Variants in CHRM3 observed in about 807,000 individuals in gnomAD.
CHRM3 encodes the protein muscarinic acetylcholine receptor M3.
CHRM3 carries 11 observed loss-of-function variants against 41.8 expected under a neutral mutation model. That is an observed-to-expected ratio of 0.26 (90% confidence interval 0.17 to 0.44). CHRM3 has a LOEUF of 0.44. Ranked by LOEUF, CHRM3 falls within the 20% of genes least tolerant of loss-of-function variation. The probability of loss-of-function intolerance (pLI) is 1.00; values close to 1 mark genes in which losing one functional copy is unlikely to be tolerated. For missense variants in CHRM3, 571 were observed against 745.4 expected, an observed-to-expected ratio of 0.77 and a Z score of 2.72; for synonymous variants, 297 against 301.4, an observed-to-expected ratio of 0.99 and a Z score of 0.15.
chr1:239,686,612 C>G (rs1659174346), intron 5 of CHRM3, among the ~76,000 whole-genome samples: 1 of 152,192 alleles, frequency 6.6e-6, no homozygotes, highest in African/African-American at 2.4e-5. Flanking sequence ...TATTGCTACT[C>G]CTCAGACTGT....
At chr1:239,600,490 G>A in intron 3 of CHRM3, among the ~76,000 whole-genome samples, 1 of 152,010 alleles carries the variant, frequency 6.6e-6, no homozygotes, top group South Asian at 2.1e-4. Flanking sequence ...GACATCTTTT[G>A]TTCCCAATGA....
At chr1:239,668,740 A>T (rs543627451) in intron 4 of CHRM3, among the ~76,000 whole-genome samples, 2 of 152,252 alleles carry the variant, frequency 1.3e-5, no homozygotes, top group Admixed American at 1.3e-4. Context: ...TGTAGAGCAG[A>T]ATTCTAATTT....
At chr1:239,850,757 C>T (rs1207766822) in intron 6 of CHRM3, among the ~76,000 whole-genome samples, 1 of 152,114 alleles carries the variant, frequency 6.6e-6, no homozygotes, top group Admixed American at 6.6e-5. Flanking sequence ...GATCATCCCC[C>T]TTTTGCTTGG....
intron 3 of CHRM3, among the ~76,000 whole-genome samples, chr1:239,614,211 C>T (rs980529049): frequency 4.6e-5 from 7 of 151,962 alleles, no homozygotes; most frequent in Non-Finnish European, 8.8e-5. Context: ...GATACAAGCT[C>T]GCATTTAAGA....
At chr1:239,675,294 CT>C (rs1386835256) in intron 4 of CHRM3, among the ~76,000 whole-genome samples, 4 of 152,300 alleles carry the variant, frequency 2.6e-5, no homozygotes, top group Admixed American at 2.0e-4. Flanking sequence ...CTTATCCAAG[CT>C]TGTGCCCATT....
At chr1:239,615,446 G>C (rs1667528817) in intron 3 of CHRM3, among the ~76,000 whole-genome samples, 1 of 152,104 alleles carries the variant, frequency 6.6e-6, no homozygotes, top group South Asian at 2.1e-4. Flanking sequence ...TCTGGCATGG[G>C]GACTGGGGGA....
At chr1:239,404,712 A>G (rs1660430409) in intron 1 of CHRM3, among the ~76,000 whole-genome samples, 1 of 86,452 alleles carries the variant, frequency 1.2e-5, no homozygotes, top group Non-Finnish European at 2.1e-5. Flanking sequence ...GTATCATGCT[A>G]TATCTAAATA....
At chr1:239,839,804 G>GC (rs900969719) in intron 6 of CHRM3, among the ~76,000 whole-genome samples, 1 of 151,300 alleles carries the variant, frequency 6.6e-6, no homozygotes, top group African/African-American at 2.4e-5. Flanking sequence ...GCGGGGCGGG[G>GC]GGGGAGCGGG....
intron 6 of CHRM3, among the ~76,000 whole-genome samples, chr1:239,899,041 A>C (rs1679253955): frequency 6.6e-6 from 1 of 152,114 alleles, no homozygotes; most frequent in South Asian, 2.1e-4. Context: ...AAAAGATGTC[A>C]AAATATCCAC....
intron 6 of CHRM3, among the ~76,000 whole-genome samples, chr1:239,842,328 C>T (rs941909216): frequency 1.3e-5 from 2 of 151,906 alleles, no homozygotes; most frequent in African/African-American, 2.4e-5. Context: ...CTCCGCCTCC[C>T]GGTTCAAGTG....
intron 6 of CHRM3, among the ~76,000 whole-genome samples, chr1:239,840,475 C>G (rs565709501): frequency 1.3e-5 from 2 of 152,200 alleles, no homozygotes; most frequent in South Asian, 4.2e-4. Context: ...AAGGAAGTGA[C>G]AGATAATACA....
At chr1:239,396,700 A>AT (rs1447800184) in intron 1 of CHRM3, among the ~76,000 whole-genome samples, 4 of 152,204 alleles carry the variant, frequency 2.6e-5, no homozygotes, top group Non-Finnish European at 5.9e-5. Flanking sequence ...ATGGAAATAT[A>AT]TATCAAAAGT....
intron 4 of CHRM3, among the ~76,000 whole-genome samples, chr1:239,670,688 CA>C (rs1406189024): frequency 2.6e-5 from 4 of 151,980 alleles, no homozygotes; most frequent in Non-Finnish European, 5.9e-5. Context: ...CCACCACACC[CA>C]GCTAATTTTT....
chr1:239,510,041 A>G (rs147114296), intron 2 of CHRM3, among the ~76,000 whole-genome samples: 4 of 152,214 alleles, frequency 2.6e-5, no homozygotes, highest in Non-Finnish European at 5.9e-5. Context: ...GTGGGCCGAG[A>G]TCATGCCACT....
In CHRM3 at chr1:239,850,724, G is replaced by A. The variant is rs560839728; in HGVS notation, c.-20+23346G>A. Among the ~76,000 whole-genome samples, 7 of 152,258 alleles carry A rather than the reference G, an allele frequency of 4.6e-5. 1 individual carries two copies. The South Asian group carries it at 1.4e-3, about 32-fold the overall frequency. ...CTCATGACAGTGAGTGAGTTCTCGT[G>A]TGATCTGATGGTTTTATAAGGGGAT... On this transcript the variant is annotated intron_variant, in intron 6 of 6. Coordinates refer to ENST00000676153, the MANE Select transcript of CHRM3 (RefSeq NM_001375978.1).
At chr1:239,888,310 G>A (rs887884564) in intron 6 of CHRM3, among the ~76,000 whole-genome samples, 17 of 151,864 alleles carry the variant, frequency 1.1e-4, no homozygotes, top group Admixed American at 3.3e-4. Context: ...TGAGGCTGCA[G>A]TGAGCCATGA....
At chr1:239,829,036 GC>G (rs1451684414) in intron 6 of CHRM3, among the ~76,000 whole-genome samples, 1 of 152,164 alleles carries the variant, frequency 6.6e-6, no homozygotes, top group Non-Finnish European at 1.5e-5. Context: ...GCAGACACTT[GC>G]TTTCTTGAAA....
At chr1:239,794,881 A>G (rs551495933) in intron 5 of CHRM3, among the ~76,000 whole-genome samples, 102 of 152,340 alleles carry the variant, frequency 6.7e-4, no homozygotes, top group African/African-American at 2.3e-3. Context: ...AAAAAGCAGA[A>G]TAGCCATTAT....
chr1:239,478,747 A>G (rs1240804735), intron 1 of CHRM3, among the ~76,000 whole-genome samples: 1 of 152,250 alleles, frequency 6.6e-6, no homozygotes, highest in African/African-American at 2.4e-5. Context: ...GAAATAGAGT[A>G]TAAAAATGGA....
Sources: gnomAD v4.1 joint callset for allele counts (sites outside exome capture counted in the v4.1 genomes callset) on GRCh38, gnomAD v4.1.1 for gene constraint, MANE v1.5 for transcripts, NCBI Gene and HGNC (gene_info 2026-07-23, HGNC 2026-07-21) for gene names.